Variants in SEC23IP observed in about 807,000 individuals in gnomAD.
SEC23IP encodes the protein SEC23 interacting protein.
In SEC23IP, 70 loss-of-function variants were observed where a neutral mutation model predicts 113.4. The ratio of observed to expected loss-of-function variants is 0.62; its 90% CI spans 0.51 to 0.75. The LOEUF (loss-of-function observed/expected upper bound fraction) is 0.75, where lower values mean the gene tolerates loss of function less well. SEC23IP is among the 30% of genes least tolerant of loss of function. SEC23IP has a pLI of 0.00. For missense variants in SEC23IP, 1,160 were observed against 1,204.9 expected (o/e 0.96, Z 0.55); for synonymous variants, 398 against 421.0 (o/e 0.95, Z 0.67).
chr10:119,905,191 T>C (rs1854624441), intron 4 of SEC23IP, among the ~76,000 whole-genome samples: 1 of 151,856 alleles, frequency 6.6e-6, no homozygotes, highest in East Asian at 1.9e-4. Flanking sequence ...TGTATATATA[T>C]AAAGAAAAAA....
At chr10:119,902,322 G>C (rs779528150) in intron 2 of SEC23IP, among the ~76,000 whole-genome samples, 9 of 152,134 alleles carry the variant, frequency 5.9e-5, no homozygotes, top group Non-Finnish European at 1.0e-4. Context: ...ACTCCAGGCT[G>C]GGCAAGAAGA....
At chr10:119,924,016 T>G (rs188209879) in intron 12 of SEC23IP, among the ~76,000 whole-genome samples, 5 of 152,328 alleles carry the variant, frequency 3.3e-5, no homozygotes, top group African/African-American at 1.2e-4. Flanking sequence ...AGAAAGCAGA[T>G]TTAAAGTGAG....
chr10:119,906,122 A>G (rs1176127281), intron 4 of SEC23IP, among the ~76,000 whole-genome samples: 5 of 151,908 alleles, frequency 3.3e-5, no homozygotes, highest in Non-Finnish European at 5.9e-5. Context: ...CAAAAAATAC[A>G]CACAAAAAAA....
At chr10:119,916,326 T>G (rs192085902) in intron 8 of SEC23IP, among the ~76,000 whole-genome samples, 1 of 152,294 alleles carries the variant, frequency 6.6e-6, no homozygotes, top group East Asian at 1.9e-4. Context: ...TTCTTTGCTG[T>G]CGCAGTGCAG....
At chr10:119,922,043 C>T (rs926258121) in intron 12 of SEC23IP, among the ~76,000 whole-genome samples, 8 of 152,082 alleles carry the variant, frequency 5.3e-5, no homozygotes, top group South Asian at 4.2e-4. Flanking sequence ...TCTTGGGAGC[C>T]GGAGATTAAC....
chr10:119,893,092 G>A (rs904129389), intron 1 of SEC23IP, 147 bp downstream of exon 1: 9 of 820,040 alleles, frequency 1.1e-5, no homozygotes, highest in Admixed American at 9.6e-5. Flanking sequence ...TGAGTGGGTC[G>A]GGGGCTTTGG....
chr10:119,919,334 A>G, intron 10 of SEC23IP, 110 bp from the exon 11 acceptor site: 1 of 1,041,310 alleles, frequency 9.6e-7, no homozygotes, highest in Non-Finnish European at 1.4e-6. Flanking sequence ...TGTGCCTAAA[A>G]TTATGATTTC....
chr10:119,933,319 T>C (rs1002804066), intron 17 of SEC23IP, 152 bp downstream of exon 17: 1 of 728,360 alleles, frequency 1.4e-6, no homozygotes, highest in Non-Finnish European at 2.2e-6. Context: ...TTTTCCCCCT[T>C]AGTTACCCAC....
intron 18 of SEC23IP, among the ~76,000 whole-genome samples, 178 bp downstream of exon 18, chr10:119,933,965 G>A (rs933005557): frequency 9.9e-5 from 15 of 152,118 alleles, no homozygotes; most frequent in African/African-American, 3.4e-4. Flanking sequence ...TTACATTTCT[G>A]ATTTATTACA....
Position 119,898,743 on chromosome 10 carries a change from A to T in SEC23IP, c.480A>T (p.Pro160=). 1 of 1,614,204 alleles carries T rather than the reference A, an allele frequency of 6.2e-7. No individual in the cohort carries two copies. Among genetic ancestry groups the T allele is most frequent in the Non-Finnish European group, 8.5e-7 (1 of 1,180,042 alleles). The change falls in exon 2 of 19, where the codon CCA becomes CCT. Residue 160 remains proline (P), a synonymous_variant. Transcript: ENST00000369075. The part of the protein sequence containing the change: ...MGINSYLPSQ[P]SSLPPSYFGN... Reference sequence around the variant, plus strand: ...TAAATTCTTATCTGCCTTCTCAGCCAAGTAGTCTCCCTCCTTCATATTTTG... The same window carrying T: ...TAAATTCTTATCTGCCTTCTCAGCCTAGTAGTCTCCCTCCTTCATATTTTG...
chr10:119,938,247 T>C (rs1451751191), intron 18 of SEC23IP, among the ~76,000 whole-genome samples: 1 of 152,200 alleles, frequency 6.6e-6, no homozygotes, highest in Non-Finnish European at 1.5e-5. Context: ...AACTTGCCTC[T>C]GCTTAAGCTA....
At chr10:119,933,945 G>C (rs1589851246) in intron 18 of SEC23IP, among the ~76,000 whole-genome samples, 158 bp downstream of exon 18, 2 of 151,936 alleles carry the variant, frequency 1.3e-5, no homozygotes, top group African/African-American at 4.8e-5. Context: ...GAAGATAATT[G>C]GTTTGTAATT....
intron 13 of SEC23IP, among the ~76,000 whole-genome samples, chr10:119,927,545 C>A (rs564539052): frequency 1.8e-4 from 27 of 152,194 alleles, no homozygotes; most frequent in Non-Finnish European, 3.7e-4. Context: ...CTCCTTATCT[C>A]TTAATATCAT....
chr10:119,933,174 G>T lies in SEC23IP; in HGVS notation c.2921+7G>T, dbSNP rs774951064. 6.2e-7 allele frequency: 1 copy of T among 1,611,520 alleles called. No homozygotes were observed. The highest frequency in any genetic ancestry group is 1.7e-5 in the Admixed American group (1 of 59,650). ...AGAGTCACTTATGCTATTGGTAAGT[G>T]TTCTTAAATTTGGTAACATTTGAGT... On this transcript the variant is annotated splice_region_variant and intron_variant, in intron 17 of 18. Coordinates refer to ENST00000369075, the MANE Select transcript of SEC23IP (RefSeq NM_007190.4).
At chr10:119,905,134 CAGAA>C (rs1397806524) in intron 4 of SEC23IP, among the ~76,000 whole-genome samples, 2 of 142,390 alleles carry the variant, frequency 1.4e-5, no homozygotes, top group Non-Finnish European at 3.0e-5. Flanking sequence ...GACCCTTCCT[CAGAA>C]AAAAAAAAAG....
At position 119,942,750 on chromosome 10, in the gene SEC23IP, A is replaced by G. The variant is rs1255583128; in HGVS notation, c.*2185A>G. 1.3e-5 allele frequency: 2 copies of G among 152,240 alleles called. No individual in the cohort carries two copies. Among genetic ancestry groups the G allele is most frequent in the African/African-American group, 2.4e-5 (1 of 41,468 alleles). The allele number at this position is 152,240 out of a possible 1,614,324, so 9.4% of individuals were successfully genotyped here. A position where few individuals can be genotyped will look rare whatever the true frequency, so the allele number is the denominator to read the frequency against. On this transcript the variant is annotated 3_prime_UTR_variant, in exon 19 of 19. Transcript: ENST00000369075. The stretch of plus-strand genomic sequence containing the variant: ...TGAAGACACCCAGGCCTCGTCAGCT[A>G]TGTTAACGTGCTGTATGACAAGAGG...
Position 119,898,452 on chromosome 10 carries a change from G to C in SEC23IP, c.189G>C (p.Glu63Asp). Residue 63 changes from glutamate to aspartate, a missense_variant, in exon 2 of 19, where the codon GAG (glutamate) becomes GAC (aspartate). Coordinates refer to ENST00000369075, the MANE Select transcript of SEC23IP (RefSeq NM_007190.4). Reference protein sequence around the residue: ...PGEDSTDVGEEDSFLGQTSIH... With the variant: ...PGEDSTDVGEDDSFLGQTSIH... ...AGGATTCCACAGATGTTGGTGAGGA[G>C]GACAGCTTCCTTGGTCAGACTTCTA... is the stretch of plus-strand genomic sequence containing the variant. 6.2e-7 allele frequency: 1 copy of C among 1,613,320 alleles called. No homozygotes were observed.
rs1855948980 is a variant in SEC23IP, at chr10:119,941,044, A to G, written c.*479A>G. 1 of 152,186 alleles carries G rather than the reference A, an allele frequency of 6.6e-6. No homozygotes were observed. Among genetic ancestry groups the G allele is most frequent in the African/African-American group, 2.4e-5 (1 of 41,444 alleles). 9.4% of individuals were successfully genotyped at this position (152,186 alleles called of 1,614,324 possible). A position where few individuals can be genotyped will look rare whatever the true frequency, so the allele number is the denominator to read the frequency against. ...TAGTAATATGATTTTTAAGAGATTT[A>G]TGTTCTACTTAAAATGTGAATTGTA... is the stretch of plus-strand genomic sequence containing the variant. On this transcript the variant is annotated 3_prime_UTR_variant, in exon 19 of 19. Coordinates refer to ENST00000369075, the MANE Select transcript of SEC23IP (RefSeq NM_007190.4).
rs764796711 is a variant in SEC23IP, at chr10:119,932,295, A to T, written c.2735A>T (p.Glu912Val). 1 of 1,611,350 alleles carries T rather than the reference A, an allele frequency of 6.2e-7. No individual in the cohort carries two copies. The highest frequency in any genetic ancestry group is 1.1e-5 in the South Asian group (1 of 90,146). ...AAGGTGGCCAATCAGATCAAAGAAG[A>T]AGAAGAAAAGCAAGTAGTTGAAGGT... Reference protein sequence around the residue: ...LEKVANQIKEEEEKQVVEAEK... With the variant: ...LEKVANQIKEVEEKQVVEAEK... Residue 912 changes from glutamate (E) to valine (V), a missense_variant, in exon 16 of 19, where the codon GAA becomes GTA. Glu to Val is a moderately radical substitution (Grantham distance 121). Coordinates refer to ENST00000369075, the MANE Select transcript of SEC23IP (RefSeq NM_007190.4).
Sources: allele counts gnomAD v4.1 joint callset (sites outside exome capture counted in the v4.1 genomes callset), GRCh38; gene constraint gnomAD v4.1.1; transcripts MANE v1.5; gene names NCBI Gene and HGNC (gene_info 2026-07-23, HGNC 2026-07-21).